Variants in DPYD observed in about 807,000 individuals in gnomAD.
DPYD encodes dihydropyrimidine dehydrogenase.
Under a neutral mutation model 116.2 loss-of-function variants are expected in DPYD, and 109 were observed. That is an observed-to-expected ratio of 0.94 (90% confidence interval 0.80 to 1.10). The LOEUF (loss-of-function observed/expected upper bound fraction) is 1.10, where lower values mean the gene tolerates loss of function less well. DPYD is among the 50% of genes least tolerant of loss of function. DPYD has a pLI of 0.00. For synonymous variants in DPYD, 440 were observed against 432.0 expected (o/e 1.02, Z -0.23); for missense variants, 1,302 against 1,254.5 (o/e 1.04, Z -0.57).
intron 8 of DPYD, among the ~76,000 whole-genome samples, chr1:97,633,770 G>A (rs189490476): frequency 2.2e-3 from 342 of 152,134 alleles, no homozygotes; most frequent in Non-Finnish European, 3.2e-3. Context: ...TTTTAAAAGG[G>A]GGCATTAGGC....
At chr1:97,593,530 T>A (rs1654671301) in intron 9 of DPYD, 143 bp from the exon 10 acceptor site, 1 of 907,124 alleles carries the variant, frequency 1.1e-6, no homozygotes, top group Non-Finnish European at 1.7e-6. Context: ...TTATTCTGCT[T>A]CATTGAAAGA....
At chr1:97,667,421 TA>T (rs1337401583) in intron 8 of DPYD, among the ~76,000 whole-genome samples, 1 of 152,130 alleles carries the variant, frequency 6.6e-6, no homozygotes, top group Admixed American at 6.5e-5. Flanking sequence ...TTTATATACT[TA>T]AAAATTTTTT....
chr1:97,350,764 A>G (rs1201874844), intron 16 of DPYD, among the ~76,000 whole-genome samples: 1 of 152,164 alleles, frequency 6.6e-6, no homozygotes, highest in Non-Finnish European at 1.5e-5. Flanking sequence ...CATTTACCCA[A>G]GTGTTTATGT....
chr1:97,810,114 G>A (rs528353841), intron 3 of DPYD, among the ~76,000 whole-genome samples: 21 of 151,668 alleles, frequency 1.4e-4, no homozygotes, highest in African/African-American at 2.2e-4. Flanking sequence ...GTGAAACCCC[G>A]TCTCTACTAA....
intron 11 of DPYD, among the ~76,000 whole-genome samples, chr1:97,572,709 T>C (rs1471306341): frequency 2.0e-5 from 3 of 151,992 alleles, no homozygotes; most frequent in Admixed American, 6.6e-5. Context: ...AAGTGACAAA[T>C]TTAGGCCATC....
At chr1:97,094,991 C>A (rs1374238081) in intron 21 of DPYD, among the ~76,000 whole-genome samples, 3 of 152,042 alleles carry the variant, frequency 2.0e-5, no homozygotes, top group South Asian at 2.1e-4. Flanking sequence ...TCATATTAAA[C>A]ATATTTCAAA....
intron 20 of DPYD, among the ~76,000 whole-genome samples, chr1:97,119,232 G>A (rs1422024616): frequency 6.6e-6 from 1 of 152,164 alleles, no homozygotes; most frequent in Non-Finnish European, 1.5e-5. Flanking sequence ...CATCTACAAT[G>A]GGTCTCAGCA....
chr1:97,320,572 G>A (rs1342520799), intron 16 of DPYD, among the ~76,000 whole-genome samples: 1 of 66,438 alleles, frequency 1.5e-5, no homozygotes, highest in Non-Finnish European at 3.1e-5. Context: ...CACTGCTCAA[G>A]GAAATAAAAG....
At chr1:97,519,741 G>C (rs1011482205) in intron 12 of DPYD, among the ~76,000 whole-genome samples, 3 of 152,114 alleles carry the variant, frequency 2.0e-5, no homozygotes, top group African/African-American at 7.2e-5. Context: ...TATATAGTTT[G>C]CTGTCTTGTT....
chr1:97,916,118 T>C (rs1368958302), intron 1 of DPYD, among the ~76,000 whole-genome samples: 1 of 152,192 alleles, frequency 6.6e-6, no homozygotes, highest in Non-Finnish European at 1.5e-5. Context: ...AGATCTTCCA[T>C]AACTGAATCA....
At chr1:97,707,542 T>G (rs1292517806) in intron 5 of DPYD, among the ~76,000 whole-genome samples, 1 of 149,670 alleles carries the variant, frequency 6.7e-6, no homozygotes, top group East Asian at 2.0e-4. Context: ...GAATATGCGG[T>G]GTTTGGTTTT....
At chr1:97,134,005 AAAAAAAAAAATATATATATATATAT>A in intron 20 of DPYD, among the ~76,000 whole-genome samples, 1 of 34,016 alleles carries the variant, frequency 2.9e-5, no homozygotes, top group South Asian at 1.2e-3. Flanking sequence ...TTTCAAAAAA[AAAAAAAAAAATATATATATATATAT>A]ATATATATAT....
intron 4 of DPYD, among the ~76,000 whole-genome samples, chr1:97,729,824 T>C (rs1344427571): frequency 6.6e-6 from 1 of 152,210 alleles, no homozygotes; most frequent in African/African-American, 2.4e-5. Flanking sequence ...TGTGTGCACA[T>C]GTATTCAATT....
intron 13 of DPYD, among the ~76,000 whole-genome samples, chr1:97,470,977 C>G (rs532766314): frequency 6.6e-6 from 1 of 151,306 alleles, no homozygotes; most frequent in Admixed American, 6.6e-5. Context: ...GCAACAAGAG[C>G]AAGACTTCAT....
chr1:97,102,459 T>TA (rs71071629), intron 20 of DPYD, among the ~76,000 whole-genome samples: 1 of 125,092 alleles, frequency 8.0e-6, no homozygotes, highest in Non-Finnish European at 1.6e-5. Flanking sequence ...CTGAAATCTA[T>TA]TATCTATCTA....
In DPYD at chr1:97,124,209, C is replaced by T. The variant is rs1339087736; in HGVS notation, c.2623-25577G>A. Among the ~76,000 whole-genome samples the T allele has an allele frequency of 3.3e-5, 5 of 151,964 alleles. No homozygotes were observed. The South Asian group carries it at 6.2e-4, about 19-fold the overall frequency. On this transcript the variant is annotated intron_variant, in intron 20 of 22. Coordinates refer to ENST00000370192, the MANE Select transcript of DPYD (RefSeq NM_000110.4). Reference sequence around the variant, plus strand: ...TCCTGATTTTACCAAAGCAAATGCCCTCCACCCCCGCCCTGCTCTAAATAG... The same window carrying T: ...TCCTGATTTTACCAAAGCAAATGCCTTCCACCCCCGCCCTGCTCTAAATAG...
chr1:97,312,669 C>T (rs1667587303), intron 16 of DPYD, among the ~76,000 whole-genome samples: 1 of 151,770 alleles, frequency 6.6e-6, no homozygotes, highest in Admixed American at 6.6e-5. Flanking sequence ...TAGCCTAATC[C>T]TGTTTTTAAA....
chr1:97,895,269 A>C (rs926912431), intron 1 of DPYD, among the ~76,000 whole-genome samples: 9 of 151,792 alleles, frequency 5.9e-5, no homozygotes, highest in Non-Finnish European at 1.3e-4. Flanking sequence ...GACACTGCTC[A>C]CAAGACCAAG....
intron 2 of DPYD, among the ~76,000 whole-genome samples, chr1:97,875,894 A>G (rs1016007510): frequency 1.4e-4 from 22 of 152,040 alleles, no homozygotes; most frequent in African/African-American, 5.3e-4. Context: ...AATGTTCTCA[A>G]CAAATGCCAC....
Sources: allele counts gnomAD v4.1 joint callset (sites outside exome capture counted in the v4.1 genomes callset), GRCh38; gene constraint gnomAD v4.1.1; transcripts MANE v1.5; gene names NCBI Gene and HGNC (gene_info 2026-07-23, HGNC 2026-07-21).